Variants in SRL observed in about 807,000 individuals in gnomAD.
The protein encoded by SRL is sarcalumenin.
Under a neutral mutation model 39.5 loss-of-function variants are expected in SRL, and 23 were observed. The observed-to-expected ratio is 0.58, with a 90% confidence interval of 0.42 to 0.82. The LOEUF (loss-of-function observed/expected upper bound fraction) is 0.82. SRL is among the 40% of genes least tolerant of loss of function. The probability of loss-of-function intolerance (pLI) is 0.00; values close to 1 mark genes in which losing one functional copy is unlikely to be tolerated. For synonymous variants in SRL, 272 were observed against 237.4 expected (o/e 1.15, Z -1.34); for missense variants, 592 against 607.8 (o/e 0.97, Z 0.27).
chr16:4,241,094 G>A (rs557478956), intron 1 of SRL, among the ~76,000 whole-genome samples: 175 of 152,260 alleles, frequency 1.1e-3, no homozygotes, highest in Middle Eastern at 6.8e-3. Context: ...TCCCAGGTAC[G>A]GACCTAGGCT....
chr16:4,240,227 T>C (rs2052758408), intron 1 of SRL, among the ~76,000 whole-genome samples: 1 of 151,722 alleles, frequency 6.6e-6, no homozygotes, highest in African/African-American at 2.4e-5. Context: ...AGCGGAGAGA[T>C]GAGGGAAAGA....
chr16:4,205,864 T>G (rs1301107687), intron 1 of SRL, among the ~76,000 whole-genome samples: 1 of 151,656 alleles, frequency 6.6e-6, no homozygotes, highest in Non-Finnish European at 1.5e-5. Flanking sequence ...CTTGAGCACT[T>G]GAGCTCAGGA....
chr16:4,224,999 C>T (rs542584383), intron 1 of SRL, among the ~76,000 whole-genome samples: 3 of 152,164 alleles, frequency 2.0e-5, no homozygotes, highest in Non-Finnish European at 4.4e-5. Flanking sequence ...CACAAGAGAC[C>T]ACATCTTGTG....
chr16:4,238,995 A>G (rs1419948922), intron 1 of SRL, among the ~76,000 whole-genome samples: 1 of 152,288 alleles, frequency 6.6e-6, no homozygotes, highest in South Asian at 2.1e-4. Context: ...CTGTGGGACC[A>G]GATGTCCCCT....
intron 1 of SRL, among the ~76,000 whole-genome samples, chr16:4,233,174 G>A (rs111449386): frequency 1.3e-5 from 2 of 152,296 alleles, no homozygotes; most frequent in Admixed American, 6.5e-5. Context: ...TTCCCAACTG[G>A]CCCCAACTCA....
At chr16:4,207,048 T>G (rs1296602196) in intron 1 of SRL, 1 of 453,054 alleles carries the variant, frequency 2.2e-6, no homozygotes, top group South Asian at 1.6e-5. Context: ...CTCGGCTTCC[T>G]GCAGATCCCC....
At chr16:4,215,258 G>A (rs866560233) in intron 1 of SRL, among the ~76,000 whole-genome samples, 2 of 152,198 alleles carry the variant, frequency 1.3e-5, no homozygotes, top group Non-Finnish European at 2.9e-5. Context: ...AGGGGCTGAG[G>A]CAGCCATTCT....
chr16:4,235,283 C>A (rs2052703536), intron 1 of SRL, among the ~76,000 whole-genome samples: 1 of 152,238 alleles, frequency 6.6e-6, no homozygotes, highest in Non-Finnish European at 1.5e-5. Flanking sequence ...CAAAGTGAGT[C>A]CTCATGCCAA....
intron 1 of SRL, among the ~76,000 whole-genome samples, chr16:4,217,075 G>T (rs1567183663): frequency 6.6e-6 from 1 of 152,186 alleles, no homozygotes; most frequent in Non-Finnish European, 1.5e-5. Flanking sequence ...GAAGCTGGAG[G>T]GAATCTTCTT....
chr16:4,203,377 A>G, intron 2 of SRL, 116 bp from the exon 3 acceptor site: 1 of 786,480 alleles, frequency 1.3e-6, no homozygotes, highest in Non-Finnish European at 2.2e-6. Flanking sequence ...GTGGGCAGCA[A>G]GTGCTGTTTG....
At chr16:4,211,765 G>A (rs1430702514) in intron 1 of SRL, among the ~76,000 whole-genome samples, 1 of 152,032 alleles carries the variant, frequency 6.6e-6, no homozygotes, top group Non-Finnish European at 1.5e-5. Context: ...TGATGGTGAT[G>A]ATGATGGTGG....
At chr16:4,207,801 T>A (rs755574155) in intron 1 of SRL, 1 of 455,810 alleles carries the variant, frequency 2.2e-6, no homozygotes, top group African/African-American at 2.0e-5. Flanking sequence ...GCCATTCTTT[T>A]CCTCCCCAGG....
chr16:4,225,087 G>C (rs1206999733), intron 1 of SRL, among the ~76,000 whole-genome samples: 2 of 152,198 alleles, frequency 1.3e-5, no homozygotes, highest in East Asian at 3.8e-4. Flanking sequence ...TGGGGGAGCA[G>C]GGAGGAATGG....
intron 1 of SRL, among the ~76,000 whole-genome samples, chr16:4,241,773 G>A (rs889723957): frequency 3.9e-5 from 6 of 152,304 alleles, no homozygotes; most frequent in East Asian, 3.9e-4. Flanking sequence ...TCTGTTTGCC[G>A]TTCCCACTTC....
chr16:4,213,409 T>C (rs972361031), intron 1 of SRL, among the ~76,000 whole-genome samples: 2 of 116,486 alleles, frequency 1.7e-5, no homozygotes, highest in Admixed American at 1.6e-4. Context: ...TTTTTCTTTT[T>C]TTTTTTTTTT....
intron 1 of SRL, among the ~76,000 whole-genome samples, chr16:4,225,742 C>T (rs766997120): frequency 3.9e-5 from 6 of 152,162 alleles, no homozygotes; most frequent in Non-Finnish European, 7.4e-5. Flanking sequence ...CACCCTTTCC[C>T]GAGCTGCCTG....
intron 1 of SRL, among the ~76,000 whole-genome samples, chr16:4,218,861 C>G (rs1448405247): frequency 6.6e-6 from 1 of 152,240 alleles, no homozygotes; most frequent in Non-Finnish European, 1.5e-5. Context: ...AGAGCTAGGG[C>G]AGCAAGAATA....
At chr16:4,225,769 C>G (rs1448945916) in intron 1 of SRL, among the ~76,000 whole-genome samples, 1 of 152,104 alleles carries the variant, frequency 6.6e-6, no homozygotes, top group African/African-American at 2.4e-5. Context: ...TCCCCCATCC[C>G]CTGTGTGTTT....
At chr16:4,236,308 T>C (rs372903232) in intron 1 of SRL, among the ~76,000 whole-genome samples, 1 of 152,160 alleles carries the variant, frequency 6.6e-6, no homozygotes, top group Non-Finnish European at 1.5e-5. Flanking sequence ...ATCTCTGTGA[T>C]ATTTAATCCT....
Sources: gnomAD v4.1 joint callset for allele counts (sites outside exome capture counted in the v4.1 genomes callset) on GRCh38, gnomAD v4.1.1 for gene constraint, MANE v1.5 for transcripts, NCBI Gene and HGNC (gene_info 2026-07-23, HGNC 2026-07-21) for gene names.